Variants in RIGI observed in about 807,000 individuals in gnomAD.
RIGI encodes the protein antiviral innate immune response receptor RIG-I.
chr9:32,491,510 G>T, the RIGI span: 1 of 1,004,366 alleles, frequency 1.0e-6, no homozygotes. Context: ...ATAACACTAA[G>T]ATTTTTAACT....
chr9:32,486,286 T>C, the RIGI span, among the ~76,000 whole-genome samples: 6 of 151,826 alleles, frequency 4.0e-5, no homozygotes, highest in Non-Finnish European at 8.8e-5. Flanking sequence ...ACCCTGTCTG[T>C]ACTAAAAATA....
the RIGI span, among the ~76,000 whole-genome samples, chr9:32,460,978 A>G: frequency 6.6e-6 from 1 of 152,234 alleles, no homozygotes; most frequent in African/African-American, 2.4e-5. Context: ...CCCCTTCAAA[A>G]AACACTCTAA....
chr9:32,515,050 G>C, the RIGI span, among the ~76,000 whole-genome samples: 2 of 152,144 alleles, frequency 1.3e-5, no homozygotes, highest in Admixed American at 1.3e-4. Flanking sequence ...AGTTACATTA[G>C]AGTTGCAGAG....
At chr9:32,525,830 T>C in the RIGI span, among the ~76,000 whole-genome samples, 4 of 152,290 alleles carry the variant, frequency 2.6e-5, no homozygotes, top group African/African-American at 9.6e-5. Context: ...CCTAAATAGA[T>C]GAGCACCCTT....
At chr9:32,467,880 T>C in the RIGI span, 1 of 1,613,326 alleles carries the variant, frequency 6.2e-7, no homozygotes. Flanking sequence ...TATTGTGATC[T>C]CCACTGGCTT....
chr9:32,487,846 G>T, the RIGI span: 1 of 1,420,446 alleles, frequency 7.0e-7, no homozygotes, highest in Non-Finnish European at 9.6e-7. Flanking sequence ...ATGGACTTGG[G>T]ACCTGAGAAG....
At chr9:32,516,900 T>C in the RIGI span, among the ~76,000 whole-genome samples, 1 of 152,238 alleles carries the variant, frequency 6.6e-6, no homozygotes, top group Admixed American at 6.5e-5. Context: ...CTGTTTCAGT[T>C]TGGACACTGT....
the RIGI span, among the ~76,000 whole-genome samples, chr9:32,481,800 G>T: frequency 5.9e-5 from 9 of 152,246 alleles, 1 homozygote; most frequent in African/African-American, 1.9e-4. Context: ...TGTCAAGCTG[G>T]TTTCAAACTC....
At chr9:32,481,135 T>C in the RIGI span, among the ~76,000 whole-genome samples, 5 of 152,238 alleles carry the variant, frequency 3.3e-5, no homozygotes, top group Non-Finnish European at 5.9e-5. Flanking sequence ...TCAGTCCTGT[T>C]GCCTGCAGTA....
the RIGI span, among the ~76,000 whole-genome samples, chr9:32,524,170 A>G: frequency 6.6e-6 from 1 of 152,100 alleles, no homozygotes; most frequent in Non-Finnish European, 1.5e-5. Context: ...GCATTCACAT[A>G]GACACACTAA....
At chr9:32,487,171 T>C in the RIGI span, among the ~76,000 whole-genome samples, 14 of 152,354 alleles carry the variant, frequency 9.2e-5, no homozygotes, top group African/African-American at 3.4e-4. Flanking sequence ...AGCTCTTGGC[T>C]ATCTGATGCC....
At chr9:32,500,711 T>C in the RIGI span, 2 of 1,459,050 alleles carry the variant, frequency 1.4e-6, no homozygotes, top group Non-Finnish European at 9.3e-7. Flanking sequence ...GAACTATAAG[T>C]GGATACTTCA....
chr9:32,469,655 G>C, the RIGI span, among the ~76,000 whole-genome samples: 9 of 152,192 alleles, frequency 5.9e-5, no homozygotes, highest in Non-Finnish European at 1.2e-4. Flanking sequence ...AAAGGATCTT[G>C]ACTAAGACAA....
At chr9:32,518,699 C>A in the RIGI span, among the ~76,000 whole-genome samples, 1 of 152,172 alleles carries the variant, frequency 6.6e-6, no homozygotes, top group Admixed American at 6.5e-5. Flanking sequence ...ATATAGTTAA[C>A]CATGAAGCCA....
At chr9:32,459,313 C>T in the RIGI span, 1 of 1,564,432 alleles carries the variant, frequency 6.4e-7, no homozygotes, top group African/African-American at 1.4e-5. Context: ...ATTTCACCAA[C>T]AGTAAGCTGT....
the RIGI span, among the ~76,000 whole-genome samples, chr9:32,472,547 G>A: frequency 1.3e-5 from 2 of 152,206 alleles, no homozygotes; most frequent in Non-Finnish European, 2.9e-5. Context: ...CTCCAGGTGG[G>A]CCTGGCCTAA....
the RIGI span, among the ~76,000 whole-genome samples, chr9:32,465,897 C>G: frequency 2.0e-5 from 3 of 152,178 alleles, no homozygotes; most frequent in East Asian, 3.8e-4. Flanking sequence ...AGGTGTATAT[C>G]ATTGTCCACA....
chr9:32,503,643 C>A, the RIGI span, among the ~76,000 whole-genome samples: 11 of 152,310 alleles, frequency 7.2e-5, no homozygotes, highest in Admixed American at 1.3e-4. Context: ...CAGTACCTGG[C>A]TCACGCATGT....
the RIGI span, chr9:32,456,824 C>A: frequency 4.0e-6 from 1 of 252,156 alleles, no homozygotes; most frequent in Non-Finnish European, 7.6e-6. Flanking sequence ...TTCATCTATC[C>A]CAGTGTGTAC....
Sources: gnomAD v4.1 joint callset for allele counts (sites outside exome capture counted in the v4.1 genomes callset) on GRCh38, gnomAD v4.1.1 for gene constraint, MANE v1.5 for transcripts, NCBI Gene and HGNC (gene_info 2026-07-23, HGNC 2026-07-21) for gene names.